Variants in MCTP2 observed in about 807,000 individuals in gnomAD.
The protein encoded by MCTP2 is multiple C2 and transmembrane domain-containing protein 2.
MCTP2 carries 132 observed loss-of-function variants against 111.6 expected under a neutral mutation model. The ratio of observed to expected loss-of-function variants is 1.18; its 90% CI spans 1.03 to 1.37. The LOEUF is 1.37. Ranked by LOEUF, MCTP2 falls within the 40% of genes most tolerant of loss-of-function variation. The pLI is 0.00. For synonymous variants in MCTP2, 395 were observed against 387.7 expected (o/e 1.02, Z -0.22); for missense variants, 1,183 against 1,067.9 (o/e 1.11, Z -1.50).
intron 19 of MCTP2, among the ~76,000 whole-genome samples, chr15:94,454,889 T>A (rs547355262): frequency 3.8e-4 from 58 of 152,296 alleles, no homozygotes; most frequent in African/African-American, 1.3e-3. Context: ...GCCGTGATCT[T>A]GCCTCACCGC....
intron 12 of MCTP2, among the ~76,000 whole-genome samples, chr15:94,382,048 G>A (rs1283128126): frequency 6.6e-6 from 1 of 152,230 alleles, no homozygotes; most frequent in African/African-American, 2.4e-5. Flanking sequence ...CCCTTTATGA[G>A]TTCTGGCCTT....
At chr15:94,449,469 G>A (rs549050185) in intron 19 of MCTP2, among the ~76,000 whole-genome samples, 1 of 152,124 alleles carries the variant, frequency 6.6e-6, no homozygotes, top group Non-Finnish European at 1.5e-5. Context: ...TTATTGTGAA[G>A]GAAACCTGTC....
At chr15:94,272,357 T>C (rs1483043549) in intron 1 of MCTP2, among the ~76,000 whole-genome samples, 1 of 152,150 alleles carries the variant, frequency 6.6e-6, no homozygotes, top group Non-Finnish European at 1.5e-5. Flanking sequence ...CAATGAGTAA[T>C]TACTGATTGA....
chr15:94,384,333 A>G (rs1014159742), intron 13 of MCTP2, among the ~76,000 whole-genome samples: 2 of 152,172 alleles, frequency 1.3e-5, no homozygotes, highest in African/African-American at 2.4e-5. Flanking sequence ...TATAGGAGGC[A>G]TTTGTAAAGT....
intron 20 of MCTP2, among the ~76,000 whole-genome samples, chr15:94,462,613 C>A (rs1260644025): frequency 3.9e-5 from 6 of 152,188 alleles, no homozygotes; most frequent in Admixed American, 3.9e-4. Flanking sequence ...CAGGAATGTT[C>A]AGCTAGATTA....
intron 17 of MCTP2, among the ~76,000 whole-genome samples, chr15:94,417,250 T>C (rs2082417354): frequency 6.6e-6 from 1 of 152,176 alleles, no homozygotes; most frequent in African/African-American, 2.4e-5. Flanking sequence ...CAGGATCTGA[T>C]CCTAACATAG....
chr15:94,344,908 T>C (rs1211440278), intron 7 of MCTP2, among the ~76,000 whole-genome samples: 1 of 152,238 alleles, frequency 6.6e-6, no homozygotes, highest in Non-Finnish European at 1.5e-5. Context: ...TCATACTGAA[T>C]ACTTAGAGAA....
intron 22 of MCTP2, 34 bp downstream of exon 22, chr15:94,476,827 C>A: frequency 7.8e-7 from 1 of 1,275,740 alleles, no homozygotes; most frequent in South Asian, 1.2e-5. Context: ...AACAGTGGCC[C>A]CAACCTGAAA....
rs747745018 is a variant in MCTP2, at chr15:94,356,200, A to G, written c.1069A>G (p.Ile357Val). Residue 357 changes from isoleucine (I) to valine (V), a missense_variant, in exon 9 of 23, where the codon ATT becomes GTT. Coordinates refer to ENST00000357742, the MANE Select transcript of MCTP2 (RefSeq NM_001385001.1). ...GAAAAAGAACCAACTCTGGAACGGG[A>G]TTATAAGTATAACTTTGTTGGAAGG... The part of the protein sequence containing the change: ...SLKKNQLWNG[I>V]ISITLLEGKN... 4 of 1,613,518 alleles carry G rather than the reference A, an allele frequency of 2.5e-6. No homozygotes were observed. Among genetic ancestry groups the G allele is most frequent in the Admixed American group, 3.3e-5 (2 of 59,974 alleles).
chr15:94,460,994 T>C (rs539565307), intron 20 of MCTP2, among the ~76,000 whole-genome samples: 8 of 149,828 alleles, frequency 5.3e-5, no homozygotes, highest in Admixed American at 3.4e-4. Context: ...CATAAAACTC[T>C]CAAAGTAAGG....
intron 1 of MCTP2, among the ~76,000 whole-genome samples, chr15:94,246,903 A>G (rs1302424584): frequency 1.3e-5 from 2 of 152,182 alleles, no homozygotes; most frequent in South Asian, 2.1e-4. Context: ...GAGAGATGCT[A>G]CTGTAATGGA....
At chr15:94,236,752 C>G (rs955249631) in intron 1 of MCTP2, among the ~76,000 whole-genome samples, 1 of 152,112 alleles carries the variant, frequency 6.6e-6, no homozygotes, top group Non-Finnish European at 1.5e-5. Flanking sequence ...AATAGAAGTC[C>G]TTGTAGTGCA....
At chr15:94,467,699 C>T (rs1596829206) in intron 20 of MCTP2, among the ~76,000 whole-genome samples, 1 of 152,176 alleles carries the variant, frequency 6.6e-6, no homozygotes, top group African/African-American at 2.4e-5. Flanking sequence ...CATTTATGTA[C>T]TGCCCCTGTG....
At chr15:94,474,352 T>G (rs536690092) in intron 21 of MCTP2, among the ~76,000 whole-genome samples, 4 of 152,324 alleles carry the variant, frequency 2.6e-5, no homozygotes, top group South Asian at 4.1e-4. Context: ...AATTTCAGAC[T>G]ACAGTATCAT....
At chr15:94,233,421 G>A (rs2070328367) in intron 1 of MCTP2, among the ~76,000 whole-genome samples, 1 of 152,106 alleles carries the variant, frequency 6.6e-6, no homozygotes, top group African/African-American at 2.4e-5. Context: ...ATACATGGAA[G>A]GAACAGCTAA....
At chr15:94,290,738 A>T (rs1388238950) in intron 1 of MCTP2, among the ~76,000 whole-genome samples, 1 of 152,242 alleles carries the variant, frequency 6.6e-6, no homozygotes, top group East Asian at 1.9e-4. Context: ...AACACAAACC[A>T]AAAGTAAATT....
chr15:94,343,311 A>G (rs1222265891), intron 7 of MCTP2: 1 of 152,132 alleles, frequency 6.6e-6, no homozygotes, highest in Non-Finnish European at 1.5e-5. Context: ...TTAAGTGGGA[A>G]TAACTAGCAC....
intron 12 of MCTP2, among the ~76,000 whole-genome samples, chr15:94,376,271 T>G (rs1282848207): frequency 6.6e-6 from 1 of 152,202 alleles, no homozygotes; most frequent in African/African-American, 2.4e-5. Context: ...TGCATGAGCC[T>G]TTTCCATGGG....
intron 17 of MCTP2, among the ~76,000 whole-genome samples, chr15:94,408,020 A>T (rs16949107): frequency 0.16 from 23,770 of 152,214 alleles, 2,024 homozygotes; most frequent in Non-Finnish European, 0.17. Context: ...GATTCGACTC[A>T]TTAAATAATG....
Sources: gnomAD v4.1 joint callset for allele counts (sites outside exome capture counted in the v4.1 genomes callset) on GRCh38, gnomAD v4.1.1 for gene constraint, MANE v1.5 for transcripts, NCBI Gene and HGNC (gene_info 2026-07-23, HGNC 2026-07-21) for gene names.